GIPC2: variants seen among roughly 807,000 people sequenced by gnomAD.
GIPC2 encodes the protein GIPC PDZ domain containing family member 2.
A neutral mutation model predicts 30.6 loss-of-function variants in GIPC2; 30 were observed. The observed-to-expected ratio is 0.98, with a 90% CI of 0.73 to 1.33. The LOEUF (loss-of-function observed/expected upper bound fraction) is 1.33, where lower values mean the gene tolerates loss of function less well. Ranked by LOEUF, GIPC2 falls within the 40% of genes most tolerant of loss-of-function variation. GIPC2 has a pLI of 0.00. For missense variants in GIPC2, 414 were observed against 390.3 expected (o/e 1.06, Z -0.51); for synonymous variants, 167 against 150.0 (o/e 1.11, Z -0.83).
chr1:78,073,031 G>A (rs190608117), intron 1 of GIPC2, among the ~76,000 whole-genome samples: 29 of 150,032 alleles, frequency 1.9e-4, no homozygotes, highest in Non-Finnish European at 3.8e-4. Context: ...GGATGGTCTC[G>A]ATCTCCTGAC....
At chr1:78,132,693 G>GTGTGTGTGTT (rs1662922805) in intron 5 of GIPC2, among the ~76,000 whole-genome samples, 1 of 151,646 alleles carries the variant, frequency 6.6e-6, no homozygotes, top group Non-Finnish European at 1.5e-5. Flanking sequence ...GTGTGTGTGT[G>GTGTGTGTGTT]TGTGTAGAGA....
In GIPC2 at chr1:78,125,016, C is replaced by T. The variant is rs549893777; in HGVS notation, c.715-865C>T. Among the ~76,000 whole-genome samples the T allele has an allele frequency of 7.2e-5, 11 of 152,098 alleles. No individual in the cohort carries two copies. In the South Asian group the frequency reaches 1.9e-3, roughly 26 times the overall value. On this transcript the variant is annotated intron_variant, in intron 4 of 5. Coordinates refer to ENST00000370759, the MANE Select transcript of GIPC2 (RefSeq NM_017655.6). ...AAAACAAAGCAAGACAAAAAAACCC[C>T]GCCACAGTTCTTAAGACATCCTTCT... is the stretch of plus-strand genomic sequence containing the variant.
chr1:78,078,119 C>T (rs1193300845), intron 1 of GIPC2, among the ~76,000 whole-genome samples: 2 of 124,524 alleles, frequency 1.6e-5, no homozygotes, highest in Non-Finnish European at 3.2e-5. Flanking sequence ...ACCCGGGAGG[C>T]GGAGCTTGCA....
chr1:78,121,657 C>T (rs621178), intron 4 of GIPC2, among the ~76,000 whole-genome samples: 115,121 of 151,896 alleles, frequency 0.76, 44,655 homozygotes, highest in East Asian at 0.85. Context: ...CAAATGGCAA[C>T]GAAGAGATCT....
intron 2 of GIPC2, chr1:78,091,380 G>A: frequency 2.0e-6 from 1 of 510,828 alleles, no homozygotes; most frequent in Non-Finnish European, 3.6e-6. Context: ...CTCAGAGTCT[G>A]GTGCTTAAGA....
chr1:78,050,584 A>G (rs1006764616), intron 1 of GIPC2, among the ~76,000 whole-genome samples: 1 of 152,188 alleles, frequency 6.6e-6, no homozygotes, highest in African/African-American at 2.4e-5. Flanking sequence ...ATTAACTCCT[A>G]CATAAATGCA....
chr1:78,134,416 C>CT (rs1196859110), intron 5 of GIPC2, among the ~76,000 whole-genome samples: 1 of 151,646 alleles, frequency 6.6e-6, no homozygotes, highest in Non-Finnish European at 1.5e-5. Context: ...TAACTAATCT[C>CT]TTATCACCGT....
chr1:78,097,562 C>A (rs1662160658), intron 3 of GIPC2, among the ~76,000 whole-genome samples: 1 of 152,202 alleles, frequency 6.6e-6, no homozygotes, highest in African/African-American at 2.4e-5. Context: ...AGCACCACTT[C>A]TTTGTAGTGG....
chr1:78,054,106 T>C (rs1661245677), intron 1 of GIPC2, among the ~76,000 whole-genome samples: 1 of 152,246 alleles, frequency 6.6e-6, no homozygotes, highest in African/African-American at 2.4e-5. Flanking sequence ...ATTGTGCTTT[T>C]TCTCATGCTG....
upstream of GIPC2, chr1:78,045,133 A>G: frequency 1.1e-6 from 1 of 906,326 alleles, no homozygotes; most frequent in African/African-American, 1.8e-5. Flanking sequence ...GTATTTGGTA[A>G]TTAAGATATG....
chr1:78,052,073 G>C (rs1377575028), intron 1 of GIPC2, among the ~76,000 whole-genome samples: 1 of 152,124 alleles, frequency 6.6e-6, no homozygotes, highest in African/African-American at 2.4e-5. Flanking sequence ...TGTTCCTTCT[G>C]CTCCAGCCAG....
At chr1:78,056,101 C>T (rs1661290574) in intron 1 of GIPC2, among the ~76,000 whole-genome samples, 1 of 152,122 alleles carries the variant, frequency 6.6e-6, no homozygotes, top group Admixed American at 6.6e-5. Context: ...TCTTATCAGA[C>T]TTTATGGTCA....
At chr1:78,074,139 C>T (rs1661670858) in intron 1 of GIPC2, among the ~76,000 whole-genome samples, 2 of 152,152 alleles carry the variant, frequency 1.3e-5, no homozygotes, top group African/African-American at 4.8e-5. Context: ...CTTTAAGAAG[C>T]TTTCAAGCAT....
intron 4 of GIPC2, among the ~76,000 whole-genome samples, chr1:78,121,847 A>G (rs1662690021): frequency 6.6e-6 from 1 of 152,236 alleles, no homozygotes; most frequent in Non-Finnish European, 1.5e-5. Flanking sequence ...AGTGGAAGAA[A>G]GGAATTTATC....
In GIPC2 at chr1:78,080,778, A is replaced by C; in HGVS notation, c.344A>C (p.Glu115Ala). 6.2e-7 allele frequency: 1 copy of C among 1,610,064 alleles called. No homozygotes were observed. Among genetic ancestry groups the C allele is most frequent in the Non-Finnish European group, 8.5e-7 (1 of 1,176,370 alleles). The change falls in exon 2 of 6, where the codon GAA becomes GCA. Residue 115 changes from glutamate to alanine, a missense_variant. Glu to Ala is a moderately radical substitution (Grantham distance 107, BLOSUM62 -1). Transcript: ENST00000370759. ...ATATTTGCCCATGTGAAAGGAATCG[A>C]AAAAGAAGTGAATGTGTATAAATCT... The part of the protein sequence containing the change: ...DFIFAHVKGI[E>A]KEVNVYKSED...
In GIPC2 at chr1:78,079,681, T is replaced by C. The variant is rs553834433; in HGVS notation, c.241-994T>C. On this transcript the variant is annotated intron_variant, in intron 1 of 5. Coordinates refer to ENST00000370759, the MANE Select transcript of GIPC2 (RefSeq NM_017655.6). ...CCTTTCTGGCTTATTAAATAGAAGC[T>C]ACTCAGTACATGTTTGTTGAACTTA... Among the ~76,000 whole-genome samples the C allele has an allele frequency of 1.4e-4, 21 of 152,342 alleles. No homozygotes were observed. In the South Asian group the frequency reaches 4.1e-3, roughly 30 times the overall value.
rs1557556350 is a variant in GIPC2, at chr1:78,137,068, C to G, written c.*1325C>G. 6.6e-6 allele frequency: 1 copy of G among 152,110 alleles called. No individual in the cohort carries two copies. 9.4% of individuals were successfully genotyped at this position (152,110 alleles called of 1,614,324 possible). A position where few individuals can be genotyped will look rare whatever the true frequency, so the allele number is the denominator to read the frequency against. On this transcript the variant is annotated 3_prime_UTR_variant, in exon 6 of 6. Coordinates refer to ENST00000370759, the MANE Select transcript of GIPC2 (RefSeq NM_017655.6). ...GGTAAAACTTTAGTTGTATTGCCAT[C>G]CACTCCTTTTTCAAATGAGTTTAAT...
In GIPC2 at chr1:78,093,564, A is replaced by G. The variant is rs545343415; in HGVS notation, c.427-1388A>G. 4.6e-5 allele frequency among the ~76,000 whole-genome samples: 7 copies of G among 152,344 alleles called. No homozygotes were observed. In the East Asian group the frequency reaches 1.2e-3, roughly 25 times the overall value. ...TTTATAATAATGCAATTTAAACATTAAAAATGCTTAACCTTCCTAAGTTAT... is the reference window on the plus strand; with the variant it reads ...TTTATAATAATGCAATTTAAACATTGAAAATGCTTAACCTTCCTAAGTTAT... On this transcript the variant is annotated intron_variant, in intron 2 of 5. Transcript: ENST00000370759.
At chr1:78,073,423 A>G (rs1338074232) in intron 1 of GIPC2, among the ~76,000 whole-genome samples, 1 of 152,138 alleles carries the variant, frequency 6.6e-6, no homozygotes, top group Non-Finnish European at 1.5e-5. Context: ...ATTTTCTATA[A>G]TGACATTGGC....
Sources: gnomAD v4.1 joint callset for allele counts (sites outside exome capture counted in the v4.1 genomes callset) on GRCh38, gnomAD v4.1.1 for gene constraint, MANE v1.5 for transcripts, NCBI Gene and HGNC (gene_info 2026-07-23, HGNC 2026-07-21) for gene names.